Variants in ARSB observed in about 807,000 individuals in gnomAD.
ARSB encodes the protein N-acetylgalactosamine-4-sulfatase.
A neutral mutation model predicts 50.9 loss-of-function variants in ARSB; 41 were observed. That is an observed-to-expected ratio of 0.81 (90% CI 0.63 to 1.04). The LOEUF is 1.04. ARSB is among the 50% of genes least tolerant of loss of function. ARSB has a pLI of 0.00. For synonymous variants in ARSB, 269 were observed against 284.8 expected (o/e 0.94, Z 0.56); for missense variants, 672 against 693.3 (o/e 0.97, Z 0.35).
intron 4 of ARSB, among the ~76,000 whole-genome samples, chr5:78,917,458 G>A (rs183648360): frequency 6.6e-6 from 1 of 151,828 alleles, no homozygotes; most frequent in East Asian, 1.9e-4. Flanking sequence ...CTGAGCATAC[G>A]CATTTTTCTC....
intron 6 of ARSB, among the ~76,000 whole-genome samples, chr5:78,819,963 G>A (rs1273159171): frequency 6.6e-6 from 1 of 152,250 alleles, no homozygotes; most frequent in Admixed American, 6.5e-5. Flanking sequence ...CAAGGTGATG[G>A]CATTAAGAGG....
intron 6 of ARSB, among the ~76,000 whole-genome samples, chr5:78,817,615 C>T (rs1483040838): frequency 6.6e-6 from 1 of 152,044 alleles, no homozygotes; most frequent in Admixed American, 6.6e-5. Context: ...CCGAGACCAG[C>T]CTGACCAATA....
intron 5 of ARSB, among the ~76,000 whole-genome samples, chr5:78,872,156 T>A (rs1002575863): frequency 6.8e-6 from 1 of 148,098 alleles, no homozygotes; most frequent in African/African-American, 2.4e-5. Flanking sequence ...CATTAAAAAG[T>A]CAGGAAACAA....
chr5:78,831,152 C>T (rs1422694473), intron 6 of ARSB, among the ~76,000 whole-genome samples: 3 of 152,144 alleles, frequency 2.0e-5, no homozygotes, highest in Non-Finnish European at 4.4e-5. Flanking sequence ...GACATATTTA[C>T]AGGAGATATT....
chr5:78,932,812 C>T (rs983651086), intron 4 of ARSB, among the ~76,000 whole-genome samples: 6 of 152,170 alleles, frequency 3.9e-5, no homozygotes, highest in African/African-American at 1.4e-4. Context: ...AATCATTCTC[C>T]ATTATTTTCT....
chr5:78,873,565 G>T (rs973685081), intron 5 of ARSB, among the ~76,000 whole-genome samples: 5 of 138,368 alleles, frequency 3.6e-5, no homozygotes, highest in African/African-American at 1.3e-4. Flanking sequence ...GCGGGATCTC[G>T]GCTCACTGCA....
At chr5:78,820,299 G>GGATTCC (rs1448971981) in intron 6 of ARSB, among the ~76,000 whole-genome samples, 5 of 152,134 alleles carry the variant, frequency 3.3e-5, no homozygotes, top group Non-Finnish European at 5.9e-5. Flanking sequence ...ATGGATTTAG[G>GGATTCC]GATATTTAGG....
intron 6 of ARSB, among the ~76,000 whole-genome samples, chr5:78,787,895 A>G (rs1252723455): frequency 6.6e-6 from 1 of 152,190 alleles, no homozygotes; most frequent in Non-Finnish European, 1.5e-5. Context: ...GCTTAACCCT[A>G]GAAGTGGATT....
intron 4 of ARSB, among the ~76,000 whole-genome samples, chr5:78,940,393 T>C (rs1477838927): frequency 6.6e-6 from 1 of 152,212 alleles, no homozygotes; most frequent in Non-Finnish European, 1.5e-5. Flanking sequence ...TACGTTTTTT[T>C]CTTCTAGGGT....
chr5:78,900,370 T>C (rs1199826711), intron 4 of ARSB, among the ~76,000 whole-genome samples: 1 of 152,152 alleles, frequency 6.6e-6, no homozygotes, highest in African/African-American at 2.4e-5. Context: ...TTCCCATGAG[T>C]TAAGGCAGGG....
intron 6 of ARSB, among the ~76,000 whole-genome samples, chr5:78,787,104 A>ATCTATCTG (rs1554070206): frequency 2.0e-5 from 3 of 150,942 alleles, no homozygotes; most frequent in Admixed American, 6.6e-5. Flanking sequence ...CTATCTATCT[A>ATCTATCTG]TCTATCTATC....
chr5:78,855,084 A>G (rs1046553905), intron 5 of ARSB, among the ~76,000 whole-genome samples: 2 of 152,198 alleles, frequency 1.3e-5, no homozygotes, highest in African/African-American at 4.8e-5. Context: ...GGAAGGAAGG[A>G]CACTAGAGCT....
rs921604154 is a variant in ARSB at position 78,778,601 on chromosome 5, G to C, written c.*1796C>G. ...TAGATTATGCTCCTACCCCAGGAGG[G>C]GCAGCTTGAGAACAGAAAAGCAACA... is the stretch of plus-strand genomic sequence containing the variant. On this transcript the variant is annotated 3_prime_UTR_variant, in exon 8 of 8. Transcript: ENST00000264914. 6.6e-6 allele frequency: 1 copy of C among 152,204 alleles called. No individual in the cohort carries two copies. Among genetic ancestry groups the C allele is most frequent in the African/African-American group, 2.4e-5 (1 of 41,438 alleles). 9.4% of individuals were successfully genotyped at this position (152,204 alleles called of 1,614,324 possible).
chr5:78,958,512 A>G (rs2112494312), intron 3 of ARSB, among the ~76,000 whole-genome samples: 1 of 152,348 alleles, frequency 6.6e-6, no homozygotes, highest in Non-Finnish European at 1.5e-5. Context: ...ACTTTGTTAA[A>G]TATGGTGAAA....
chr5:78,845,879 A>G (rs1283868738), intron 5 of ARSB, among the ~76,000 whole-genome samples: 1 of 152,070 alleles, frequency 6.6e-6, no homozygotes, highest in Non-Finnish European at 1.5e-5. Flanking sequence ...AGGAGATTTT[A>G]GCTTGATATA....
chr5:78,820,923 GA>G (rs921698689), intron 6 of ARSB, among the ~76,000 whole-genome samples: 1 of 143,066 alleles, frequency 7.0e-6, no homozygotes, highest in African/African-American at 2.6e-5. Context: ...ATCATTGACA[GA>G]AAAAAGTATG....
At chr5:78,867,059 A>G (rs905413305) in intron 5 of ARSB, among the ~76,000 whole-genome samples, 13 of 152,136 alleles carry the variant, frequency 8.5e-5, no homozygotes, top group African/African-American at 3.1e-4. Flanking sequence ...GGGGTGACAG[A>G]CGCACCTGGA....
chr5:78,918,744 A>T lies in ARSB; in HGVS notation c.899-32917T>A, dbSNP rs184279055. Among the ~76,000 whole-genome samples, 9 of 152,354 alleles carry T rather than the reference A, an allele frequency of 5.9e-5. No individual in the cohort carries two copies. The East Asian group carries it at 1.7e-3, about 29-fold the overall frequency. On this transcript the variant is annotated intron_variant, in intron 4 of 7. Transcript: ENST00000264914. ...TTTTAGAGTCAAAGCAATTTTTATC[A>T]AAAGGTCACTACCAAATAATTAGCT...
intron 4 of ARSB, among the ~76,000 whole-genome samples, chr5:78,900,402 C>T (rs1441128896): frequency 6.6e-6 from 1 of 152,080 alleles, no homozygotes; most frequent in South Asian, 2.1e-4. Context: ...GCTACGGAAC[C>T]CAAGAAGGTG....
Sources: allele counts gnomAD v4.1 joint callset (sites outside exome capture counted in the v4.1 genomes callset), GRCh38; gene constraint gnomAD v4.1.1; transcripts MANE v1.5; gene names NCBI Gene and HGNC (gene_info 2026-07-23, HGNC 2026-07-21).